PLA2G4C: variants seen among roughly 807,000 people sequenced by gnomAD.
The protein encoded by PLA2G4C is cytosolic phospholipase A2 gamma.
PLA2G4C carries 64 observed loss-of-function variants against 73.8 expected under a neutral mutation model. The observed-to-expected ratio is 0.87, with a 90% CI of 0.71 to 1.07. The LOEUF is 1.07. Among genes scored for constraint, PLA2G4C ranks in the 50% least tolerant of loss-of-function variants. PLA2G4C has a pLI of 0.00. For missense variants in PLA2G4C, 622 were observed against 665.4 expected (o/e 0.93, Z 0.72); for synonymous variants, 254 against 252.1 (o/e 1.01, Z -0.07).
At chr19:48,056,828 G>A (rs1364924082) in intron 14 of PLA2G4C, among the ~76,000 whole-genome samples, 3 of 90,440 alleles carry the variant, frequency 3.3e-5, no homozygotes, top group Non-Finnish European at 6.5e-5. Flanking sequence ...ACGAGACTCT[G>A]TCTCAAAAAA....
intron 14 of PLA2G4C, among the ~76,000 whole-genome samples, chr19:48,061,149 G>A (rs1389557297): frequency 6.6e-6 from 1 of 151,926 alleles, no homozygotes; most frequent in Non-Finnish European, 1.5e-5. Context: ...CTAGCCTGGT[G>A]TGGTGGTGTG....
intron 7 of PLA2G4C, among the ~76,000 whole-genome samples, chr19:48,091,096 A>C (rs2031272296): frequency 6.6e-6 from 1 of 152,080 alleles, no homozygotes; most frequent in African/African-American, 2.4e-5. Context: ...TTAATATGCT[A>C]AGGATGGAGG....
intron 13 of PLA2G4C, among the ~76,000 whole-genome samples, chr19:48,066,927 C>T (rs544040982): frequency 2.1e-4 from 32 of 151,762 alleles, no homozygotes; most frequent in African/African-American, 7.5e-4. Flanking sequence ...CATGATTGCA[C>T]CACTGCATTC....
At chr19:48,065,521 TG>T (rs1183779087) in intron 13 of PLA2G4C, among the ~76,000 whole-genome samples, 1 of 151,176 alleles carries the variant, frequency 6.6e-6, no homozygotes, top group Non-Finnish European at 1.5e-5. Flanking sequence ...GAGGCTGAGG[TG>T]GTGGTTGCAG....
chr19:48,049,047 C>T (rs1967626059), intron 16 of PLA2G4C, among the ~76,000 whole-genome samples: 1 of 152,146 alleles, frequency 6.6e-6, no homozygotes, highest in African/African-American at 2.4e-5. Flanking sequence ...ACGCCAGCCC[C>T]CCTTCCCCTT....
chr19:48,054,105 G>A (rs1967835163), intron 15 of PLA2G4C, among the ~76,000 whole-genome samples: 1 of 152,164 alleles, frequency 6.6e-6, no homozygotes. Flanking sequence ...AGCGTAACAA[G>A]ATGTCCCCAG....
Position 48,085,091 on chromosome 19 carries a change from G to T in PLA2G4C, c.812C>A (p.Ala271Asp). The T allele has an allele frequency of 1.2e-6, 2 of 1,611,978 alleles. No individual in the cohort carries two copies. The highest frequency in any genetic ancestry group is 4.5e-5 in the East Asian group (2 of 44,880). The change falls in exon 10 of 17, where the codon GCT becomes GAT. Residue 271 changes from alanine (A) to aspartate (D), a missense_variant. Ala to Asp is a moderately radical substitution (Grantham distance 126, BLOSUM62 -2). Coordinates refer to ENST00000599921, the MANE Select transcript of PLA2G4C (RefSeq NM_003706.3). ...AAGGTGTCCAATGCTTTTAGCATTA[G>T]CAACAGCCCTTCTCCATAAACCTGC... The part of the protein sequence containing the change: ...TLKGLWRRAV[A>D]NAKSIGHLIF...
intron 15 of PLA2G4C, among the ~76,000 whole-genome samples, 169 bp downstream of exon 15, chr19:48,054,709 G>C (rs560433260): frequency 6.6e-6 from 1 of 152,082 alleles, no homozygotes; most frequent in Non-Finnish European, 1.5e-5. Flanking sequence ...CTTGGCCTTC[G>C]CTTTCCACCA....
At chr19:48,103,318 T>C (rs1455603588) in intron 4 of PLA2G4C, 1 of 152,304 alleles carries the variant, frequency 6.6e-6, no homozygotes, top group Non-Finnish European at 1.5e-5. Flanking sequence ...AGATGAGCCT[T>C]GGAGGAATAG....
intron 13 of PLA2G4C, among the ~76,000 whole-genome samples, chr19:48,065,615 A>G (rs1196714339): frequency 2.0e-5 from 3 of 151,784 alleles, no homozygotes; most frequent in Non-Finnish European, 2.9e-5. Flanking sequence ...ATAAATAAAA[A>G]TAATTAATAA....
At chr19:48,094,898 G>A (rs1423834786) in intron 7 of PLA2G4C, among the ~76,000 whole-genome samples, 1 of 151,192 alleles carries the variant, frequency 6.6e-6, no homozygotes, top group African/African-American at 2.5e-5. Context: ...TTGTTTGTTT[G>A]TTTTGAGACA....
Position 48,048,029 on chromosome 19 carries a change from A to C in PLA2G4C, c.*314T>G, listed in dbSNP as rs959247896. On this transcript the variant is annotated 3_prime_UTR_variant, in exon 17 of 17. Transcript: ENST00000599921. The stretch of plus-strand genomic sequence containing the variant: ...GTGGAAGGCATTGGTCTGAACTATC[A>C]CATTCATTCTGGCCATCTGGACATT... 2.5e-6 allele frequency: 1 copy of C among 406,104 alleles called. No homozygotes were observed. Among genetic ancestry groups the C allele is most frequent in the African/African-American group, 2.1e-5 (1 of 47,198 alleles). The allele number at this position is 406,104 out of a possible 1,614,324, so 25.2% of individuals were successfully genotyped here. A position where few individuals can be genotyped will look rare whatever the true frequency, so the allele number is the denominator to read the frequency against.
At chr19:48,078,203 C>T (rs928074027) in intron 10 of PLA2G4C, among the ~76,000 whole-genome samples, 1 of 152,144 alleles carries the variant, frequency 6.6e-6, no homozygotes, top group East Asian at 1.9e-4. Flanking sequence ...AATCGGTATA[C>T]AAGAGACATA....
In PLA2G4C at chr19:48,105,348, C is replaced by T. The variant is rs770769559; in HGVS notation, c.105G>A (p.Arg35=). The T allele has an allele frequency of 3.7e-6, 6 of 1,612,710 alleles. No homozygotes were observed. Among genetic ancestry groups the T allele is most frequent in the Non-Finnish European group, 4.2e-6 (5 of 1,179,246 alleles). The part of the protein sequence containing the change: ...LHVLKALKKL[R]IEADEAPVVA... ...CCTCACTTACCTCATCAGCCTCAAT[C>T]CTTAGCTTCTTCAGAGCTTTCAGCA... Residue 35 remains arginine, a synonymous_variant, in exon 3 of 17, where the codon AGG becomes AGA. Transcript: ENST00000599921.
intron 4 of PLA2G4C, chr19:48,103,520 C>T (rs1339114479): frequency 7.1e-6 from 1 of 140,446 alleles, no homozygotes; most frequent in Non-Finnish European, 1.5e-5. Flanking sequence ...CCCTGCCTAT[C>T]TCACACTCGA....
intron 14 of PLA2G4C, among the ~76,000 whole-genome samples, chr19:48,056,596 G>C (rs1967950810): frequency 6.6e-6 from 1 of 151,712 alleles, no homozygotes; most frequent in African/African-American, 2.4e-5. Flanking sequence ...ACTTTGGGAG[G>C]CTGAGGTGGG....
At chr19:48,073,251 T>C (rs1371525423) in intron 12 of PLA2G4C, among the ~76,000 whole-genome samples, 5 of 151,934 alleles carry the variant, frequency 3.3e-5, no homozygotes, top group Admixed American at 6.6e-5. Context: ...GGTCTTGCTA[T>C]GTTGCCCAAG....
intron 13 of PLA2G4C, among the ~76,000 whole-genome samples, chr19:48,067,234 C>T (rs1226095114): frequency 4.0e-5 from 6 of 150,602 alleles, no homozygotes; most frequent in South Asian, 2.1e-4. Context: ...GTGGGATGAT[C>T]GCGGCTCACT....
chr19:48,085,930 A>G (rs2030949217), intron 9 of PLA2G4C, among the ~76,000 whole-genome samples: 1 of 152,138 alleles, frequency 6.6e-6, no homozygotes, highest in South Asian at 2.1e-4. Flanking sequence ...GCACTCCCAG[A>G]TCCCAGTATG....
Sources: allele counts gnomAD v4.1 joint callset (sites outside exome capture counted in the v4.1 genomes callset), GRCh38; gene constraint gnomAD v4.1.1; transcripts MANE v1.5; gene names NCBI Gene and HGNC (gene_info 2026-07-23, HGNC 2026-07-21).